The following SLC5A4 variants were observed in gnomAD, a reference collection of about 807,000 sequenced individuals.
SLC5A4 encodes solute carrier family 5 member 4.
In SLC5A4, 55 loss-of-function variants were observed where a neutral mutation model predicts 70.3. The ratio of observed to expected loss-of-function variants is 0.78; its 90% CI spans 0.63 to 0.98. The LOEUF is 0.98. SLC5A4 is among the 50% of genes least tolerant of loss of function. SLC5A4 has a pLI of 0.00. For synonymous variants in SLC5A4, 268 were observed against 305.7 expected (o/e 0.88, Z 1.29); for missense variants, 735 against 839.2 (o/e 0.88, Z 1.53).
chr22:32,266,294 C>T, the SLC5A4 span, among the ~76,000 whole-genome samples: 11,597 of 152,056 alleles, frequency 0.076, 1,136 homozygotes, highest in African/African-American at 0.23. Context: ...GAAAGTAGAA[C>T]GGGGACAGAA....
chr22:32,315,594 T>C, the SLC5A4 span, among the ~76,000 whole-genome samples: 1 of 151,846 alleles, frequency 6.6e-6, no homozygotes, highest in Non-Finnish European at 1.5e-5. Flanking sequence ...AAGATAACCA[T>C]GGGATCAAAA....
Position 32,218,515 on chromosome 22 carries a change from C to T in SLC5A4, c.1979G>A (p.Ter660=). 1 of 1,546,710 alleles carries T rather than the reference C, an allele frequency of 6.5e-7. No individual in the cohort carries two copies. The highest frequency in any genetic ancestry group is 1.1e-5 in the South Asian group (1 of 89,868). The change falls in exon 15 of 15, where the codon TGA becomes TAA. Residue 660 remains the stop codon, a stop_retained_variant. Transcript: ENST00000266086. The part of the protein sequence containing the change: ...VVVFIHGYYA[*] Reference sequence around the variant, plus strand: ...TTATTCTAATGGCTCAGATAGAGTTCAGGCATAGTAGCCGTGAATAAAGAC... The same window carrying T: ...TTATTCTAATGGCTCAGATAGAGTTTAGGCATAGTAGCCGTGAATAAAGAC...
At chr22:32,346,854 G>A in the SLC5A4 span, among the ~76,000 whole-genome samples, 1 of 148,556 alleles carries the variant, frequency 6.7e-6, no homozygotes, top group Non-Finnish European at 1.5e-5. Flanking sequence ...ATTGACAAAT[G>A]GGATCTAATT....
the SLC5A4 span, among the ~76,000 whole-genome samples, chr22:32,281,993 G>A: frequency 6.6e-6 from 1 of 152,180 alleles, no homozygotes; most frequent in East Asian, 1.9e-4. Context: ...ACAGGCATGT[G>A]CCACCACGCC....
rs1926891265 is a variant in SLC5A4 at position 32,247,433 on chromosome 22, A to C, written c.455T>G (p.Ile152Ser). 2 of 1,612,862 alleles carry C rather than the reference A, an allele frequency of 1.2e-6. No individual in the cohort carries two copies. The highest frequency in any genetic ancestry group is 2.7e-5 in the African/African-American group (2 of 74,906). ...CACAGAAATTAACAAAACCACACAG[A>C]TGAAGAGGGAGAGGATGGAGAGGTA... ...QVYLSILSLF[I>S]CVVLLISADI... Residue 152 changes from isoleucine (I) to serine (S), a missense_variant, in exon 5 of 15, where the codon ATC (isoleucine) becomes AGC (serine). Physicochemically the swap from Ile to Ser is moderately radical, Grantham distance 142. Transcript: ENST00000266086.
At chr22:32,268,224 A>G in the SLC5A4 span, 1 of 152,220 alleles carries the variant, frequency 6.6e-6, no homozygotes, top group Non-Finnish European at 1.5e-5. Context: ...TAAGGAGGAA[A>G]GATTTCCAAG....
chr22:32,319,999 G>A, the SLC5A4 span, among the ~76,000 whole-genome samples: 7 of 151,994 alleles, frequency 4.6e-5, no homozygotes, highest in South Asian at 4.1e-4. Flanking sequence ...TCCAAGAAAT[G>A]GATCAATTTC....
upstream of SLC5A4, among the ~76,000 whole-genome samples, chr22:32,256,506 C>T (rs1927496177): frequency 6.6e-6 from 1 of 152,102 alleles, no homozygotes; most frequent in Admixed American, 6.5e-5. Flanking sequence ...GCAGCCATTA[C>T]CACTATCCAT....
At chr22:32,260,087 C>T (rs185979567), upstream of SLC5A4, among the ~76,000 whole-genome samples, 4 of 152,302 alleles carry the variant, frequency 2.6e-5, no homozygotes, top group East Asian at 7.7e-4. Flanking sequence ...GGCTTGTAAA[C>T]ATTGACCACT....
the SLC5A4 span, among the ~76,000 whole-genome samples, chr22:32,326,022 G>A: frequency 6.6e-6 from 1 of 152,240 alleles, no homozygotes; most frequent in African/African-American, 2.4e-5. Flanking sequence ...GGCCTGGTGG[G>A]CTGGTACCTG....
At chr22:32,286,025 C>T in the SLC5A4 span, among the ~76,000 whole-genome samples, 12 of 152,246 alleles carry the variant, frequency 7.9e-5, no homozygotes, top group East Asian at 3.9e-4. Context: ...CGTGAGCCAC[C>T]GCTCCCAGGC....
chr22:32,343,943 C>T, the SLC5A4 span, among the ~76,000 whole-genome samples: 1 of 152,082 alleles, frequency 6.6e-6, no homozygotes, highest in Non-Finnish European at 1.5e-5. Context: ...TATCTCCACC[C>T]ACATCTTAAC....
the SLC5A4 span, among the ~76,000 whole-genome samples, chr22:32,311,138 A>G: frequency 1.3e-5 from 2 of 152,196 alleles, no homozygotes; most frequent in African/African-American, 4.8e-5. Flanking sequence ...CCCCAGGTCC[A>G]CGAGGGTCTC....
chr22:32,350,424 C>T, the SLC5A4 span, among the ~76,000 whole-genome samples: 1 of 152,104 alleles, frequency 6.6e-6, no homozygotes, highest in African/African-American at 2.4e-5. Context: ...GAGCTTAGAA[C>T]CTGGGTTTCA....
the SLC5A4 span, chr22:32,269,781 G>A: frequency 4.3e-4 from 297 of 682,924 alleles, 1 homozygote; most frequent in African/African-American, 3.4e-3. This position sits in a 1 kb window ranked among gnomAD's most constrained non-coding sequence, Gnocchi z 4.1. Context: ...CCTGGACTGC[G>A]CCCAGGCCAC....
At chr22:32,301,982 C>G in the SLC5A4 span, among the ~76,000 whole-genome samples, 2 of 152,052 alleles carry the variant, frequency 1.3e-5, no homozygotes, top group Admixed American at 6.5e-5. Context: ...ACAAAATTAA[C>G]TCAAAGTGGA....
chr22:32,333,982 T>C, the SLC5A4 span, among the ~76,000 whole-genome samples: 9 of 141,240 alleles, frequency 6.4e-5, no homozygotes, highest in African/African-American at 2.1e-4. Flanking sequence ...ACACACACCA[T>C]GCAACACAGA....
the SLC5A4 span, among the ~76,000 whole-genome samples, chr22:32,261,571 C>A: frequency 1.3e-5 from 2 of 152,216 alleles, no homozygotes; most frequent in African/African-American, 4.8e-5. Flanking sequence ...TCCTGCCACC[C>A]CGAACTTCCA....
the SLC5A4 span, among the ~76,000 whole-genome samples, chr22:32,326,734 TAG>T: frequency 5.3e-5 from 8 of 151,966 alleles, no homozygotes; most frequent in African/African-American, 1.9e-4. Context: ...GCTGACACGA[TAG>T]AGTTGAGGGT....
Sources: allele counts gnomAD v4.1 joint callset (sites outside exome capture counted in the v4.1 genomes callset), GRCh38; gene constraint gnomAD v4.1.1; non-coding constraint Gnocchi (gnomAD v3.1); transcripts MANE v1.5; gene names NCBI Gene and HGNC (gene_info 2026-07-23, HGNC 2026-07-21).